The following TNFRSF19 variants were observed in gnomAD, a reference collection of about 807,000 sequenced individuals.
The protein encoded by TNFRSF19 is TNF receptor superfamily member 19.
In TNFRSF19, 27 loss-of-function variants were observed where a neutral mutation model predicts 46.4. The observed-to-expected ratio is 0.58, with a 90% confidence interval of 0.43 to 0.80. The LOEUF is 0.80. Ranked by LOEUF, TNFRSF19 falls within the 30% of genes least tolerant of loss-of-function variation. The pLI is 0.00. For missense variants in TNFRSF19, 511 were observed against 530.8 expected, an observed-to-expected ratio of 0.96 and a Z score of 0.37; for synonymous variants, 204 against 205.0, an observed-to-expected ratio of 1.00 and a Z score of 0.04.
chr13:23,603,845 G>T (rs1480298530), intron 3 of TNFRSF19, among the ~76,000 whole-genome samples: 1 of 151,870 alleles, frequency 6.6e-6, no homozygotes, highest in Non-Finnish European at 1.5e-5. Context: ...ACTTGGTAAA[G>T]AATTTCTACA....
At chr13:23,599,524 T>A (rs556724381) in intron 3 of TNFRSF19, among the ~76,000 whole-genome samples, 119 of 151,716 alleles carry the variant, frequency 7.8e-4, no homozygotes, top group African/African-American at 2.8e-3. Context: ...CAACTGGGAG[T>A]GGGGAGCAGG....
At chr13:23,636,121 A>G (rs1274420242) in intron 5 of TNFRSF19, among the ~76,000 whole-genome samples, 4 of 152,186 alleles carry the variant, frequency 2.6e-5, no homozygotes, top group African/African-American at 4.8e-5. Flanking sequence ...AAATGTGTGC[A>G]TGTGTGTGTT....
chr13:23,620,810 C>T lies in TNFRSF19; in HGVS notation c.359+4765C>T, dbSNP rs892469270. Among the ~76,000 whole-genome samples, 5 of 152,288 alleles carry T rather than the reference C, an allele frequency of 3.3e-5. No homozygotes were observed. In the East Asian group the frequency reaches 7.7e-4, roughly 24 times the overall value. ...CCTGGCTCAGGGGAACTGGAACCCGCCCTGAAGAGTAGGCTGGCCCCTGCC... is the reference window on the plus strand; with the variant it reads ...CCTGGCTCAGGGGAACTGGAACCCGTCCTGAAGAGTAGGCTGGCCCCTGCC... On this transcript the variant is annotated intron_variant, in intron 4 of 9. Coordinates refer to ENST00000248484, the MANE Select transcript of TNFRSF19 (RefSeq NM_148957.4).
chr13:23,622,946 A>C (rs1432877139), intron 4 of TNFRSF19, among the ~76,000 whole-genome samples: 2 of 152,152 alleles, frequency 1.3e-5, no homozygotes, highest in African/African-American at 2.4e-5. Flanking sequence ...TTGTATATGC[A>C]TTTTTTTATT....
chr13:23,675,803 C>T lies in TNFRSF19; in HGVS notation c.*2423C>T, dbSNP rs993021237. ...AGACTGAGGAGGATTTCAAGAGCAACCAAGTAAAGTCATGAATTTTCTAAT... is the reference window on the plus strand; with the variant it reads ...AGACTGAGGAGGATTTCAAGAGCAATCAAGTAAAGTCATGAATTTTCTAAT... On this transcript the variant is annotated 3_prime_UTR_variant, in exon 10 of 10. Transcript: ENST00000248484. 2 of 152,006 alleles carry T rather than the reference C, an allele frequency of 1.3e-5. No homozygotes were observed. The highest frequency in any genetic ancestry group is 4.8e-5 in the African/African-American group (2 of 41,380). 9.4% of individuals were successfully genotyped at this position (152,006 alleles called of 1,614,324 possible). A position where few individuals can be genotyped will look rare whatever the true frequency, so the allele number is the denominator to read the frequency against.
At chr13:23,621,393 A>G (rs1881645790) in intron 4 of TNFRSF19, among the ~76,000 whole-genome samples, 1 of 152,184 alleles carries the variant, frequency 6.6e-6, no homozygotes. Context: ...CTAACCACCA[A>G]GGTGCTAGCA....
chr13:23,607,536 T>C (rs938037095), intron 3 of TNFRSF19, among the ~76,000 whole-genome samples: 4 of 152,310 alleles, frequency 2.6e-5, no homozygotes, highest in Non-Finnish European at 5.9e-5. Context: ...TTACCTATGG[T>C]ATTTGAAATT....
At chr13:23,616,538 T>C (rs1051035125) in intron 4 of TNFRSF19, among the ~76,000 whole-genome samples, 4 of 151,962 alleles carry the variant, frequency 2.6e-5, no homozygotes, top group Admixed American at 2.0e-4. Context: ...TCCCTGCCCA[T>C]GGGGAGCTTA....
At chr13:23,611,632 A>G (rs992634091) in intron 3 of TNFRSF19, among the ~76,000 whole-genome samples, 8 of 152,234 alleles carry the variant, frequency 5.3e-5, no homozygotes, top group African/African-American at 1.7e-4. Flanking sequence ...AAACTCAAAC[A>G]TAGCTCATTT....
chr13:23,662,199 T>C (rs370369034), intron 7 of TNFRSF19, among the ~76,000 whole-genome samples: 66 of 152,170 alleles, frequency 4.3e-4, no homozygotes, highest in Non-Finnish European at 6.8e-4. Flanking sequence ...TCCATCTGAG[T>C]TGATTTTTGT....
At chr13:23,616,775 T>C (rs942546179) in intron 4 of TNFRSF19, among the ~76,000 whole-genome samples, 2 of 151,836 alleles carry the variant, frequency 1.3e-5, no homozygotes, top group Non-Finnish European at 2.9e-5. Context: ...GTAGAGATGG[T>C]GTTTCTCCAT....
chr13:23,589,440 A>G (rs1879092509), intron 1 of TNFRSF19, among the ~76,000 whole-genome samples: 1 of 152,198 alleles, frequency 6.6e-6, no homozygotes, highest in Non-Finnish European at 1.5e-5. Flanking sequence ...AGAATTCATA[A>G]ATGCAAAATA....
rs561522461 is a variant in TNFRSF19, at chr13:23,659,660, C to T, written c.610+446C>T. Among the ~76,000 whole-genome samples, 121 of 152,142 alleles carry T rather than the reference C, an allele frequency of 8.0e-4. No homozygotes were observed. Among genetic ancestry groups the T allele is most frequent in the African/African-American group, 2.9e-3 (120 of 41,494 alleles). On this transcript the variant is annotated intron_variant, in intron 6 of 9. Transcript: ENST00000248484. The surrounding 1 kb of genome is among the most constrained non-coding windows in gnomAD (Gnocchi z 4.9). ...TAGCTGGGACTACAGGCGCCCGCCA[C>T]CACGCCTGGATAATTTTTGTATTTT...
At chr13:23,579,860 C>A (rs575649899) in intron 1 of TNFRSF19, among the ~76,000 whole-genome samples, 63 of 151,772 alleles carry the variant, frequency 4.2e-4, no homozygotes, top group African/African-American at 1.4e-3. Flanking sequence ...CGACTGGGAG[C>A]CTGTCACTCT....
chr13:23,584,933 G>T (rs1324322230), intron 1 of TNFRSF19, among the ~76,000 whole-genome samples: 4 of 152,152 alleles, frequency 2.6e-5, no homozygotes, highest in Non-Finnish European at 4.4e-5. Context: ...GAAGCCGGGG[G>T]TTATTGTTTT....
At chr13:23,672,253 C>A (rs1639534420) in intron 9 of TNFRSF19, among the ~76,000 whole-genome samples, 1 of 152,142 alleles carries the variant, frequency 6.6e-6, no homozygotes, top group African/African-American at 2.4e-5. Context: ...TCAAGTTTTT[C>A]CTATACACAT....
At chr13:23,671,311 T>C (rs1172801754) in intron 9 of TNFRSF19, among the ~76,000 whole-genome samples, 1 of 152,224 alleles carries the variant, frequency 6.6e-6, no homozygotes, top group Non-Finnish European at 1.5e-5. Flanking sequence ...CACAGTATAA[T>C]AATTTATTAA....
At chr13:23,576,333 A>G (rs1001361396) in intron 1 of TNFRSF19, among the ~76,000 whole-genome samples, 1 of 152,048 alleles carries the variant, frequency 6.6e-6, no homozygotes, top group African/African-American at 2.4e-5. Context: ...AGGTTTCGCC[A>G]TGTTAGCCAG....
intron 1 of TNFRSF19, among the ~76,000 whole-genome samples, chr13:23,583,693 C>G (rs1878623764): frequency 6.6e-6 from 1 of 152,152 alleles, no homozygotes; most frequent in African/African-American, 2.4e-5. Flanking sequence ...GCTACTTACA[C>G]TGGAGAAGAA....
Sources: allele counts gnomAD v4.1 joint callset (sites outside exome capture counted in the v4.1 genomes callset), GRCh38; gene constraint gnomAD v4.1.1; non-coding constraint Gnocchi (gnomAD v3.1); transcripts MANE v1.5; gene names NCBI Gene and HGNC (gene_info 2026-07-23, HGNC 2026-07-21).